PIGP: variants seen among roughly 807,000 people sequenced by gnomAD.
PIGP encodes the protein phosphatidylinositol N-acetylglucosaminyltransferase subunit P.
PIGP carries 12 observed loss-of-function variants against 16.9 expected under a neutral mutation model. The observed-to-expected ratio is 0.71, with a 90% CI of 0.46 to 1.15. The LOEUF is 1.15. Ranked by LOEUF, PIGP falls within the 50% of genes most tolerant of loss-of-function variation. PIGP has a pLI of 0.00. For missense variants in PIGP, 159 were observed against 153.5 expected (o/e 1.04, Z -0.19); for synonymous variants, 57 against 54.7 (o/e 1.04, Z -0.18).
chr21:37,067,375 C>T lies in PIGP; in HGVS notation c.161G>A (p.Trp54Ter). ...LGLTYWPQKYWAVALPVYLLI... is the reference protein window; with the variant it reads ...LGLTYWPQKY The stretch of plus-strand genomic sequence containing the variant: ...GAGGTAGACAGGTAATGCAACTGCC[C>T]AATATCTGCCAAAGAGAATATTAAA... Residue 54 changes from tryptophan to a stop codon, truncating the protein, a stop_gained, in exon 4 of 5, where the codon TGG (tryptophan) becomes TAG (stop). Coordinates refer to ENST00000360525, the MANE Select transcript of PIGP (RefSeq NM_153682.3). LOFTEE classifies it high-confidence loss of function. 1 of 1,526,854 alleles carries T rather than the reference C, an allele frequency of 6.5e-7. No homozygotes were observed. The highest frequency in any genetic ancestry group is 9.1e-7 in the Non-Finnish European group (1 of 1,100,940). 94.6% of individuals were successfully genotyped at this position (1,526,854 alleles called of 1,614,324 possible).
At chr21:37,067,667 T>C (rs1048899173) in intron 3 of PIGP, among the ~76,000 whole-genome samples, 4 of 152,192 alleles carry the variant, frequency 2.6e-5, no homozygotes, top group African/African-American at 9.7e-5. Context: ...TACTATTTCC[T>C]CATTTTTTTC....
intron 1 of PIGP, 80 bp from the exon 2 acceptor site, chr21:37,072,617 C>T (rs762155393): frequency 6.2e-7 from 1 of 1,602,490 alleles, no homozygotes; most frequent in Non-Finnish European, 8.5e-7. Flanking sequence ...CGCTCCGCCG[C>T]GGGTACGGCC....
chr21:37,069,833 T>A (rs1013575593), intron 2 of PIGP, among the ~76,000 whole-genome samples: 4 of 152,284 alleles, frequency 2.6e-5, no homozygotes, highest in South Asian at 2.1e-4. Flanking sequence ...TCTTTTTTTT[T>A]AATATCTTAA....
rs76037795 is a variant in PIGP at position 37,072,988 on chromosome 21, C to G, written c.-23+12G>C. The stretch of plus-strand genomic sequence containing the variant: ...ATACGCCCACCCAGGCCCCTCCCGA[C>G]ACCTCGGCCACCTCAGCGCTGAGTT... On this transcript the variant is annotated intron_variant, in intron 1 of 4. Transcript: ENST00000360525. The G allele has an allele frequency of 0.12, 21,120 of 176,548 alleles. 1,442 individuals are homozygous for G. Among genetic ancestry groups the G allele is most frequent in the Non-Finnish European group, 0.14 (11,867 of 84,298 alleles). 10.9% of individuals were successfully genotyped at this position (176,548 alleles called of 1,614,324 possible).
At chr21:37,065,769 G>A in intron 4 of PIGP, 57 bp from the exon 5 acceptor site, 1 of 1,513,126 alleles carries the variant, frequency 6.6e-7, no homozygotes, top group Non-Finnish European at 9.1e-7. Context: ...TACAGTCTCT[G>A]TGTCTGATGG....
Position 37,069,579 on chromosome 21 carries a change from G to A in PIGP, c.128C>T (p.Ser43Phe). Residue 43 changes from serine to phenylalanine, a missense_variant, in exon 3 of 5, where the codon TCT becomes TTT. Coordinates refer to ENST00000360525, the MANE Select transcript of PIGP (RefSeq NM_153682.3). ...WAFIPESWLN[S>F]LGLTYWPQKY... ...TTGAGGCCAATAGGTTAAACCTAAA[G>A]AGTTTAGCCAAGATTCAGGAATAAA... 1.3e-6 allele frequency: 2 copies of A among 1,567,598 alleles called. No individual in the cohort carries two copies. The highest frequency in any genetic ancestry group is 1.7e-6 in the Non-Finnish European group (2 of 1,153,070).
intron 4 of PIGP, among the ~76,000 whole-genome samples, chr21:37,066,596 C>A (rs554704504): frequency 6.6e-6 from 1 of 152,090 alleles, no homozygotes; most frequent in Non-Finnish European, 1.5e-5. Context: ...TAAAACCAGA[C>A]GAACGTGTTG....
intron 3 of PIGP, among the ~76,000 whole-genome samples, chr21:37,068,906 A>T (rs2069951608): frequency 6.6e-6 from 1 of 152,194 alleles, no homozygotes; most frequent in South Asian, 2.1e-4. Flanking sequence ...TTTCAGTAAG[A>T]TGCCGCATTC....
At chr21:37,069,340 A>G in intron 3 of PIGP, 8 of 302,190 alleles carry the variant, frequency 2.6e-5, no homozygotes. Flanking sequence ...AGATTTTTGG[A>G]GGAAATGGAT....
At chr21:37,070,108 C>T (rs1238805181) in intron 2 of PIGP, among the ~76,000 whole-genome samples, 1 of 152,172 alleles carries the variant, frequency 6.6e-6, no homozygotes, top group Non-Finnish European at 1.5e-5. Flanking sequence ...TTACTGTTAT[C>T]CCACGATAAC....
At position 37,072,321 on chromosome 21, in the gene PIGP, G is replaced by A. The variant is rs1296113873; in HGVS notation, c.82+113C>T. 2.5e-6 allele frequency: 4 copies of A among 1,597,016 alleles called. No homozygotes were observed. In the East Asian group the frequency reaches 6.7e-5, roughly 27 times the overall value. ...ATCCCTTCAGATTTTCTTAAAAAGA[G>A]ACATAGGGAGAAAGAATCAACAGTT... On this transcript the variant is annotated intron_variant, in intron 2 of 4. Coordinates refer to ENST00000360525, the MANE Select transcript of PIGP (RefSeq NM_153682.3).
In PIGP at chr21:37,072,109, G is replaced by A. The variant is rs574845683; in HGVS notation, c.82+325C>T. 40 of 886,708 alleles carry A rather than the reference G, an allele frequency of 4.5e-5. No individual in the cohort carries two copies. In the South Asian group the frequency reaches 5.0e-4, roughly 11 times the overall value. 54.9% of individuals were successfully genotyped at this position (886,708 alleles called of 1,614,324 possible). On this transcript the variant is annotated intron_variant, in intron 2 of 4. Transcript: ENST00000360525. ...TCAATGTCTCTCCACCGTGCTCCCT[G>A]ACACTCATCACACTGAGCATTAACT...
chr21:37,072,932 G>C (rs1175504436), intron 1 of PIGP, 68 bp downstream of exon 1: 1 of 246,934 alleles, frequency 4.0e-6, no homozygotes, highest in Non-Finnish European at 7.7e-6. Context: ...TCGAGGCGGG[G>C]TATGGGGGGG....
At chr21:37,069,653 G>A (rs199869868) in intron 2 of PIGP, 29 bp from the exon 3 acceptor site, 751 of 1,436,180 alleles carry the variant, frequency 5.2e-4, no homozygotes, top group Admixed American at 1.1e-3. Flanking sequence ...AAAAAAAGAG[G>A]AAGAGAAGTC....
intron 3 of PIGP, among the ~76,000 whole-genome samples, chr21:37,068,952 TCTTA>T (rs1399181281): frequency 6.6e-6 from 1 of 152,172 alleles, no homozygotes; most frequent in Non-Finnish European, 1.5e-5. Context: ...TGCTAGAGAC[TCTTA>T]CTTAACCTTG....
intron 2 of PIGP, among the ~76,000 whole-genome samples, chr21:37,070,310 A>G (rs958468499): frequency 2.6e-5 from 4 of 152,184 alleles, no homozygotes; most frequent in Non-Finnish European, 5.9e-5. Flanking sequence ...ACTACCTACT[A>G]CATCAGTGAT....
chr21:37,072,604 C>A, intron 1 of PIGP, 67 bp from the exon 2 acceptor site: 2 of 1,606,264 alleles, frequency 1.2e-6, no homozygotes, highest in Non-Finnish European at 1.7e-6. Flanking sequence ...ATTCTCGCCT[C>A]CTCGCTCCGC....
chr21:37,072,354 GCA>G (rs955906441), intron 2 of PIGP, 78 bp downstream of exon 2: 3 of 1,599,886 alleles, frequency 1.9e-6, no homozygotes, highest in Non-Finnish European at 2.6e-6. Flanking sequence ...GTTCATGTGT[GCA>G]CAGTCTAACC....
Position 37,067,459 on chromosome 21 carries a change from A to G in PIGP, c.156-79T>C, listed in dbSNP as rs527303806. ...CTCAAGAGTCGGTCACAAAGCCAACATGTTTTTTAAATTTAAATTTTATAA... is the reference window on the plus strand; with the variant it reads ...CTCAAGAGTCGGTCACAAAGCCAACGTGTTTTTTAAATTTAAATTTTATAA... On this transcript the variant is annotated intron_variant, in intron 3 of 4. Transcript: ENST00000360525. 778 of 781,010 alleles carry G rather than the reference A, an allele frequency of 1.0e-3. 4 individuals are homozygous for G. Among genetic ancestry groups the G allele is most frequent in the Non-Finnish European group, 1.4e-3 (652 of 458,142 alleles). 48.4% of individuals were successfully genotyped at this position (781,010 alleles called of 1,614,324 possible). A position where few individuals can be genotyped will look rare whatever the true frequency, so the allele number is the denominator to read the frequency against.
Sources: gnomAD v4.1 joint callset for allele counts (sites outside exome capture counted in the v4.1 genomes callset) on GRCh38, gnomAD v4.1.1 for gene constraint, MANE v1.5 for transcripts, NCBI Gene and HGNC (gene_info 2026-07-23, HGNC 2026-07-21) for gene names.